EXOC6B: variants seen among roughly 807,000 people sequenced by gnomAD.
EXOC6B encodes the protein SEC15 homolog B.
A neutral mutation model predicts 113.5 loss-of-function variants in EXOC6B; 54 were observed. That is an observed-to-expected ratio of 0.48 (90% CI 0.38 to 0.60). The LOEUF is 0.60. EXOC6B is among the 20% of genes least tolerant of loss of function. The probability of loss-of-function intolerance (pLI) is 0.00; values close to 1 mark genes in which losing one functional copy is unlikely to be tolerated. For missense variants in EXOC6B, 797 were observed against 977.5 expected (o/e 0.82, Z 2.46); for synonymous variants, 357 against 339.0 (o/e 1.05, Z -0.58).
At chr2:72,513,347 G>A in intron 10 of EXOC6B, 95 bp from the exon 11 acceptor site, 2 of 1,459,098 alleles carry the variant, frequency 1.4e-6, no homozygotes, top group Non-Finnish European at 1.9e-6. Context: ...ACCATCAAAT[G>A]CAAAGTTAGT....
chr2:72,802,867 G>C lies in EXOC6B; in HGVS notation c.113+22931C>G, dbSNP rs1195431105. 2.6e-5 allele frequency among the ~76,000 whole-genome samples: 4 copies of C among 152,268 alleles called. No homozygotes were observed. In the East Asian group the frequency reaches 7.7e-4, roughly 29 times the overall value. ...AACTAGATAGAAAGGCAAATTCTCA[G>C]GCCCTACCCCAGACCTATTGAATTA... On this transcript the variant is annotated intron_variant, in intron 1 of 21. Transcript: ENST00000272427.
intron 19 of EXOC6B, among the ~76,000 whole-genome samples, chr2:72,346,528 T>TC (rs995613541): frequency 1.1e-4 from 17 of 152,218 alleles, no homozygotes; most frequent in African/African-American, 3.8e-4. Flanking sequence ...GGGTTGAATC[T>TC]CAAAAGGTAA....
At chr2:72,727,006 C>T (rs1470572040) in intron 5 of EXOC6B, among the ~76,000 whole-genome samples, 4 of 152,052 alleles carry the variant, frequency 2.6e-5, no homozygotes, top group East Asian at 1.9e-4. Context: ...ATAGGTTGTA[C>T]GCAAATACCA....
chr2:72,424,831 A>G (rs1417087667), intron 18 of EXOC6B, among the ~76,000 whole-genome samples: 7 of 152,124 alleles, frequency 4.6e-5, no homozygotes, highest in Non-Finnish European at 1.0e-4. Context: ...ATAGCATCAC[A>G]TTTTTCTTTT....
At chr2:72,660,503 G>A (rs1674931139) in intron 6 of EXOC6B, among the ~76,000 whole-genome samples, 1 of 152,120 alleles carries the variant, frequency 6.6e-6, no homozygotes, top group South Asian at 2.1e-4. Flanking sequence ...CTCCACCAAT[G>A]CATTTGATTA....
intron 6 of EXOC6B, among the ~76,000 whole-genome samples, chr2:72,594,607 T>C (rs1361080450): frequency 6.6e-6 from 1 of 152,188 alleles, no homozygotes; most frequent in Non-Finnish European, 1.5e-5. Flanking sequence ...CCCAACTTGT[T>C]TCTGCTGTCT....
chr2:72,653,613 GAAA>G (rs1408969154), intron 6 of EXOC6B, among the ~76,000 whole-genome samples: 12 of 125,578 alleles, frequency 9.6e-5, no homozygotes, highest in East Asian at 2.0e-4. Flanking sequence ...CCCCCAAAAA[GAAA>G]GAAAGAAAGA....
At chr2:72,786,628 C>G (rs1684389987) in intron 1 of EXOC6B, among the ~76,000 whole-genome samples, 2 of 152,008 alleles carry the variant, frequency 1.3e-5, no homozygotes, top group African/African-American at 4.8e-5. Flanking sequence ...TATAAAGAGC[C>G]TATATGGTAG....
chr2:72,601,782 G>A (rs1670449982), intron 6 of EXOC6B, among the ~76,000 whole-genome samples: 1 of 152,030 alleles, frequency 6.6e-6, no homozygotes. Context: ...GATGTCTTTT[G>A]GTAAGCAAAT....
At chr2:72,816,333 TA>T (rs543900460) in intron 1 of EXOC6B, among the ~76,000 whole-genome samples, 2 of 152,066 alleles carry the variant, frequency 1.3e-5, no homozygotes, top group Non-Finnish European at 2.9e-5. Flanking sequence ...TGTAGCTATT[TA>T]AAAAAAATAA....
intron 20 of EXOC6B, among the ~76,000 whole-genome samples, chr2:72,243,895 A>C (rs1682488419): frequency 6.6e-6 from 1 of 152,234 alleles, no homozygotes; most frequent in African/African-American, 2.4e-5. Context: ...GAATGTAAAA[A>C]GTACATTTGG....
chr2:72,243,227 G>A lies in EXOC6B; in HGVS notation c.2197-59040C>T, dbSNP rs565405474. 2.2e-3 allele frequency among the ~76,000 whole-genome samples: 338 copies of A among 152,244 alleles called. 1 individual carries two copies. Among genetic ancestry groups the A allele is most frequent in the Non-Finnish European group, 4.0e-3 (269 of 68,018 alleles). On this transcript the variant is annotated intron_variant, in intron 20 of 21. Transcript: ENST00000272427. ...AGAACTAGAAATATCATTTGACCCA[G>A]AGATTTCATTACTGGGTATATACCC...
chr2:72,440,970 C>T (rs1696164191), intron 18 of EXOC6B, among the ~76,000 whole-genome samples: 1 of 151,894 alleles, frequency 6.6e-6, no homozygotes, highest in Non-Finnish European at 1.5e-5. Context: ...AGTATATTTT[C>T]ACCCTTTATC....
Position 72,305,368 on chromosome 2 carries a change from A to ATATGTATATGTATATGTATATGTG in EXOC6B, c.2196+29578_2196+29579insCACATATACATATACATATACATA, listed in dbSNP as rs1349586257. Among the ~76,000 whole-genome samples, 10 of 148,952 alleles carry ATATGTATATGTATATGTATATGTG rather than the reference A, an allele frequency of 6.7e-5. No homozygotes were observed. The East Asian group carries it at 1.6e-3, about 23-fold the overall frequency. ...TATATGTATATGTATATGTATATGTATATGTGTATGTATATGAATGAGATT... is the reference window on the plus strand; with the variant it reads ...TATATGTATATGTATATGTATATGTATATGTATATGTATATGTATATGTGTATGTGTATGTATATGAATGAGATT... On this transcript the variant is annotated intron_variant, in intron 20 of 21. Transcript: ENST00000272427.
intron 6 of EXOC6B, among the ~76,000 whole-genome samples, chr2:72,701,734 G>C (rs1401859217): frequency 2.0e-5 from 3 of 152,104 alleles, no homozygotes; most frequent in East Asian, 3.9e-4. Context: ...TATTCTGCAA[G>C]TGAGTCCTAT....
intron 1 of EXOC6B, among the ~76,000 whole-genome samples, chr2:72,789,772 C>T (rs1387552614): frequency 6.6e-6 from 1 of 151,960 alleles, no homozygotes; most frequent in Non-Finnish European, 1.5e-5. Context: ...AGGAAAATGT[C>T]AATAATTAAT....
At chr2:72,401,328 G>C (rs951898866) in intron 18 of EXOC6B, among the ~76,000 whole-genome samples, 2 of 149,102 alleles carry the variant, frequency 1.3e-5, no homozygotes, top group South Asian at 2.1e-4. Flanking sequence ...CAGGTGTGGT[G>C]GTGGGCACTT....
intron 8 of EXOC6B, among the ~76,000 whole-genome samples, chr2:72,546,610 CTTCTCATAATTGT>C (rs1439859100): frequency 6.6e-6 from 1 of 152,156 alleles, no homozygotes; most frequent in Non-Finnish European, 1.5e-5. Context: ...ATTAATAACA[CTTCTCATAATTGT>C]TTCTAAATCT....
intron 1 of EXOC6B, among the ~76,000 whole-genome samples, chr2:72,818,173 C>G (rs971760887): frequency 6.6e-6 from 1 of 152,010 alleles, no homozygotes; most frequent in Admixed American, 6.6e-5. Flanking sequence ...TGAGACGAGT[C>G]TCGCACTGTC....
Sources: gnomAD v4.1 joint callset for allele counts (sites outside exome capture counted in the v4.1 genomes callset) on GRCh38, gnomAD v4.1.1 for gene constraint, MANE v1.5 for transcripts, NCBI Gene and HGNC (gene_info 2026-07-23, HGNC 2026-07-21) for gene names.